The following ZNF385D variants were observed in gnomAD, a reference collection of about 807,000 sequenced individuals.
ZNF385D encodes zinc finger protein 385D.
ZNF385D carries 15 observed loss-of-function variants against 35.8 expected under a neutral mutation model. The observed-to-expected ratio is 0.42, with a 90% CI of 0.28 to 0.64. The LOEUF is 0.64. Among genes scored for constraint, ZNF385D ranks in the 30% least tolerant of loss-of-function variants. The pLI, the probability that ZNF385D is intolerant of heterozygous loss-of-function variation, is 0.23. For synonymous variants in ZNF385D, 212 were observed against 186.8 expected, an observed-to-expected ratio of 1.13 and a Z score of -1.10; for missense variants, 474 against 494.6, an observed-to-expected ratio of 0.96 and a Z score of 0.39.
chr3:22,267,212 A>G (rs1700941702), intron 2 of ZNF385D, among the ~76,000 whole-genome samples: 1 of 151,968 alleles, frequency 6.6e-6, no homozygotes, highest in African/African-American at 2.4e-5. Context: ...GCTACTATGT[A>G]TCCAGATTAA....
rs1050989603 is a variant in ZNF385D at position 22,290,073 on chromosome 3, G to T, written c.106+82377C>A. Among the ~76,000 whole-genome samples the T allele has an allele frequency of 2.0e-5, 3 of 152,154 alleles. 1 individual carries two copies. The highest frequency in any genetic ancestry group is 7.2e-5 in the African/African-American group (3 of 41,446). ...CATGCCTATATAGAACTGCTACATT[G>T]TTTTGTGTTCTAGGGAGATTTGTGT... is the stretch of plus-strand genomic sequence containing the variant. On this transcript the variant is annotated intron_variant, in intron 2 of 5. Transcript: ENST00000494108.
At position 21,534,140 on chromosome 3, in the gene ZNF385D, A is replaced by T. The variant is rs1258005352; in HGVS notation, c.277-23117T>A. 2.0e-5 allele frequency among the ~76,000 whole-genome samples: 3 copies of T among 151,906 alleles called. No homozygotes were observed. In the South Asian group the frequency reaches 6.3e-4, roughly 32 times the overall value. ...AGACTCACAGAAGTTAAAAAAAAAAACTTACTCAAAAATCACACATCTAAT... is the reference window on the plus strand; with the variant it reads ...AGACTCACAGAAGTTAAAAAAAAAATCTTACTCAAAAATCACACATCTAAT... On this transcript the variant is annotated intron_variant, in intron 3 of 7. Coordinates refer to ENST00000281523, the MANE Select transcript of ZNF385D (RefSeq NM_024697.3).
chr3:21,947,606 T>A (rs1010468080), intron 3 of ZNF385D, among the ~76,000 whole-genome samples: 1 of 152,168 alleles, frequency 6.6e-6, no homozygotes, highest in Non-Finnish European at 1.5e-5. Flanking sequence ...CACATTGGAC[T>A]CCCAGAGTGC....
intron 2 of ZNF385D, among the ~76,000 whole-genome samples, chr3:22,307,877 AAATTCAG>A (rs1357829231): frequency 1.3e-5 from 2 of 152,160 alleles, no homozygotes; most frequent in South Asian, 2.1e-4. Context: ...TAAGATCATC[AAATTCAG>A]AATATGTTTC....
chr3:22,071,630 C>G (rs561026158), intron 3 of ZNF385D, among the ~76,000 whole-genome samples: 1 of 152,142 alleles, frequency 6.6e-6, no homozygotes, highest in African/African-American at 2.4e-5. Flanking sequence ...GTAAGCTCAA[C>G]ATTTCAACAT....
intron 3 of ZNF385D, among the ~76,000 whole-genome samples, chr3:22,164,623 T>TG (rs1047839172): frequency 6.6e-6 from 1 of 151,402 alleles, no homozygotes; most frequent in Non-Finnish European, 1.5e-5. Context: ...TTTTTTTTTT[T>TG]GAGTGAAACC....
intron 3 of ZNF385D, among the ~76,000 whole-genome samples, chr3:22,116,412 C>A (rs1044923108): frequency 6.6e-6 from 1 of 151,938 alleles, no homozygotes; most frequent in African/African-American, 2.4e-5. Context: ...TTATTTTGTT[C>A]ATTACCTGCA....
At position 21,458,004 on chromosome 3, in the gene ZNF385D, C is replaced by CA. The variant is rs540580505; in HGVS notation, c.440-20802dup. 9.2e-5 allele frequency among the ~76,000 whole-genome samples: 14 copies of CA among 151,910 alleles called. No individual in the cohort carries two copies. The South Asian group carries it at 1.5e-3, about 16-fold the overall frequency. On this transcript the variant is annotated intron_variant, in intron 4 of 7. Coordinates refer to ENST00000281523, the MANE Select transcript of ZNF385D (RefSeq NM_024697.3). ...AGAAAGACAGGGGTGATACAGTCCTCAAAAAAAGTTCCTGAGATGCTTAAG... is the reference window on the plus strand; with the variant it reads ...AGAAAGACAGGGGTGATACAGTCCTCAAAAAAAAGTTCCTGAGATGCTTAAG...
At chr3:21,777,038 C>T (rs1261442598) in intron 3 of ZNF385D, among the ~76,000 whole-genome samples, 1 of 151,978 alleles carries the variant, frequency 6.6e-6, no homozygotes, top group Admixed American at 6.6e-5. Flanking sequence ...CTACTTACTT[C>T]CTCAGCCTTT....
chr3:21,995,278 T>G (rs1028000582), intron 3 of ZNF385D, among the ~76,000 whole-genome samples: 5 of 152,154 alleles, frequency 3.3e-5, no homozygotes, highest in African/African-American at 1.2e-4. Context: ...TAGGTGCCAG[T>G]GGCAAAAGGC....
At chr3:22,350,266 C>T (rs1055708784) in intron 2 of ZNF385D, among the ~76,000 whole-genome samples, 4 of 152,068 alleles carry the variant, frequency 2.6e-5, no homozygotes, top group Non-Finnish European at 5.9e-5. Flanking sequence ...TATGTCTTTT[C>T]ACTTCAGATT....
chr3:22,309,610 T>C (rs9828769), intron 2 of ZNF385D, among the ~76,000 whole-genome samples: 11,156 of 152,022 alleles, frequency 0.073, 934 homozygotes, highest in African/African-American at 0.2. Context: ...AACTAAAATA[T>C]ATTTAGCTAG....
At chr3:22,003,247 C>T (rs116728989) in intron 3 of ZNF385D, among the ~76,000 whole-genome samples, 1 of 152,294 alleles carries the variant, frequency 6.6e-6, no homozygotes, top group Non-Finnish European at 1.5e-5. Flanking sequence ...CAAAAATCAA[C>T]ATACAGAAAT....
At chr3:22,101,545 C>A (rs568985089) in intron 3 of ZNF385D, among the ~76,000 whole-genome samples, 46 of 152,162 alleles carry the variant, frequency 3.0e-4, no homozygotes, top group Admixed American at 2.7e-3. Context: ...TTATTACACC[C>A]ACACTGAACC....
chr3:22,366,556 A>G (rs1489185514), intron 2 of ZNF385D, among the ~76,000 whole-genome samples: 1 of 152,056 alleles, frequency 6.6e-6, no homozygotes, highest in Non-Finnish European at 1.5e-5. Flanking sequence ...CATTTTTTAC[A>G]TTTTACTAAT....
At chr3:22,202,355 C>A (rs1696854682) in intron 2 of ZNF385D, among the ~76,000 whole-genome samples, 1 of 152,012 alleles carries the variant, frequency 6.6e-6, no homozygotes, top group African/African-American at 2.4e-5. Flanking sequence ...TCCTCAGAAG[C>A]AAATGGAAGG....
rs564278592 is a variant in ZNF385D, at chr3:21,948,011, C to T, written c.325+220806G>A. On this transcript the variant is annotated intron_variant, in intron 3 of 5. Transcript: ENST00000494108. Reference sequence around the variant, plus strand: ...ACCCACTCTTTATTCATTTTAAATGCTGCCATTATAATTAATTTTCATATA... The same window carrying T: ...ACCCACTCTTTATTCATTTTAAATGTTGCCATTATAATTAATTTTCATATA... 2.0e-4 allele frequency among the ~76,000 whole-genome samples: 31 copies of T among 152,204 alleles called. No individual in the cohort carries two copies. In the South Asian group the frequency reaches 6.2e-3, roughly 30 times the overall value.
intron 3 of ZNF385D, among the ~76,000 whole-genome samples, chr3:22,075,169 C>T (rs116140232): frequency 1.1e-3 from 161 of 152,000 alleles, no homozygotes; most frequent in African/African-American, 3.6e-3. Flanking sequence ...AACGTGATAC[C>T]AGAGTTGAGA....
chr3:22,185,640 G>A (rs999238289), intron 2 of ZNF385D, among the ~76,000 whole-genome samples: 1 of 152,046 alleles, frequency 6.6e-6, no homozygotes, highest in Non-Finnish European at 1.5e-5. Flanking sequence ...GCTAATTTTT[G>A]TATTTTTAGT....
Sources: gnomAD v4.1 joint callset for allele counts (sites outside exome capture counted in the v4.1 genomes callset) on GRCh38, gnomAD v4.1.1 for gene constraint, MANE v1.5 for transcripts, NCBI Gene and HGNC (gene_info 2026-07-23, HGNC 2026-07-21) for gene names.